The following STRIP2 variants were observed in gnomAD, a reference collection of about 807,000 sequenced individuals.
The protein encoded by STRIP2 is striatin interacting protein 2, also known as striatin-interacting protein 2.
Under a neutral mutation model 107.1 loss-of-function variants are expected in STRIP2, and 84 were observed. The observed-to-expected ratio is 0.78, with a 90% CI of 0.66 to 0.94. The LOEUF (loss-of-function observed/expected upper bound fraction) is 0.94. Ranked by LOEUF, STRIP2 falls within the 40% of genes least tolerant of loss-of-function variation. The probability of loss-of-function intolerance (pLI) is 0.00; values close to 1 mark genes in which losing one functional copy is unlikely to be tolerated. For synonymous variants in STRIP2, 394 were observed against 400.4 expected (o/e 0.98, Z 0.19); for missense variants, 888 against 1,034.2 (o/e 0.86, Z 1.94).
intron 11 of STRIP2, among the ~76,000 whole-genome samples, chr7:129,459,045 T>G (rs993333420): frequency 6.6e-6 from 1 of 152,244 alleles, no homozygotes; most frequent in African/African-American, 2.4e-5. Context: ...GCTTAATTTT[T>G]TCCTGAGGTT....
chr7:129,452,907 C>T (rs997393735), intron 4 of STRIP2, among the ~76,000 whole-genome samples: 3 of 152,156 alleles, frequency 2.0e-5, no homozygotes, highest in African/African-American at 7.2e-5. Flanking sequence ...CCTTTTCTTC[C>T]CTATCTCTAC....
At chr7:129,481,813 T>TA (rs967320678) in intron 19 of STRIP2, among the ~76,000 whole-genome samples, 7 of 151,762 alleles carry the variant, frequency 4.6e-5, no homozygotes, top group Non-Finnish European at 1.0e-4. Flanking sequence ...ATATATTCAA[T>TA]AAAAAAAACC....
At position 129,481,926 on chromosome 7, in the gene STRIP2, G is replaced by A. The variant is rs567587814; in HGVS notation, c.2050-916G>A. 9.9e-5 allele frequency among the ~76,000 whole-genome samples: 15 copies of A among 152,222 alleles called. No homozygotes were observed. The South Asian group carries it at 1.0e-3, about 11-fold the overall frequency. ...CCCACACCTGTAATTCCAGCACTTC[G>A]GAAGGCCAAGGTGGGAGGATCACTT... On this transcript the variant is annotated intron_variant, in intron 19 of 20. Coordinates refer to ENST00000249344, the MANE Select transcript of STRIP2 (RefSeq NM_020704.3).
At position 129,458,727 on chromosome 7, in the gene STRIP2, G is replaced by T; in HGVS notation, c.1290G>T (p.Glu430Asp). The change falls in exon 11 of 21, where the codon GAG becomes GAT. Residue 430 changes from glutamate (E) to aspartate (D), a missense_variant. By Grantham distance (45) the Glu-to-Asp change is conservative (BLOSUM62 2). Transcript: ENST00000249344. This position sits in a 1 kb window ranked among gnomAD's most constrained non-coding sequence, Gnocchi z 4.6. Reference protein sequence around the residue: ...WAPKVRQKDIEHFLEMSRNKF... With the variant: ...WAPKVRQKDIDHFLEMSRNKF... ...ATCCTCTCAGACAGAAGGACATTGA[G>T]CACTTCTTGGAGATGAGCAGGAACA... 1 of 1,614,200 alleles carries T rather than the reference G, an allele frequency of 6.2e-7. No homozygotes were observed. Among genetic ancestry groups the T allele is most frequent in the South Asian group, 1.1e-5 (1 of 91,080 alleles).
chr7:129,464,857 C>T, intron 16 of STRIP2, 119 bp downstream of exon 16: 2 of 1,359,120 alleles, frequency 1.5e-6, no homozygotes. Context: ...TTTCTTTGTC[C>T]TCTCTCAGGG....
In STRIP2 at chr7:129,450,918, CTTTTTTTTTTTTTT is replaced by C. The variant is rs758536953; in HGVS notation, c.275-672_275-659del. ...GGCCACAGCATTAGTGAGAAAGGTC[CTTTTTTTTTTTTTT>C]TTTTTTTTTTTTTTTTTTTTTTGAG... On this transcript the variant is annotated intron_variant, in intron 3 of 20. Transcript: ENST00000249344. Among the ~76,000 whole-genome samples the C allele has an allele frequency of 2.8e-4, 15 of 54,512 alleles. No individual in the cohort carries two copies. In the East Asian group the frequency reaches 5.3e-3, roughly 19 times the overall value. The allele number at this position is 54,512 out of a possible 152,430, so 35.8% of individuals were successfully genotyped here. A position where few individuals can be genotyped will look rare whatever the true frequency, so the allele number is the denominator to read the frequency against.
At chr7:129,471,513 G>C (rs1382021460) in intron 18 of STRIP2, among the ~76,000 whole-genome samples, 2 of 151,944 alleles carry the variant, frequency 1.3e-5, no homozygotes, top group African/African-American at 4.8e-5. Flanking sequence ...TCAAATGATT[G>C]AATCATGGCA....
rs1310470943 is a variant in STRIP2 at position 129,472,775 on chromosome 7, CCTTTTTTTTTTTTTTTTT to C, written c.1944+2061_1944+2078del. ...AATATATAGAATTTTCTTTTCTTTT[CCTTTTTTTTTTTTTTTTT>C]TTTTTTTTTTTGAGACAGAGTCTTG... On this transcript the variant is annotated intron_variant, in intron 18 of 20. Transcript: ENST00000249344. 1.2e-4 allele frequency among the ~76,000 whole-genome samples: 8 copies of C among 68,890 alleles called. 1 individual carries two copies. In the East Asian group the frequency reaches 3.1e-3, roughly 27 times the overall value. 45.2% of individuals were successfully genotyped at this position (68,890 alleles called of 152,430 possible). A position where few individuals can be genotyped will look rare whatever the true frequency, so the allele number is the denominator to read the frequency against.
Position 129,458,301 on chromosome 7 carries a change from G to A in STRIP2, c.1125G>A (p.Glu375=), listed in dbSNP as rs1279361564. ...KTEEPATEEE[E]ESAGDGERTL... is the part of the protein sequence containing the mutation. The stretch of plus-strand genomic sequence containing the variant: ...AGGAGCCCGCCACAGAGGAGGAAGA[G>A]GAGTCTGCTGGTGATGGAGAACGAA... Residue 375 remains glutamate, a synonymous_variant, in exon 10 of 21, where the codon GAG becomes GAA. Coordinates refer to ENST00000249344, the MANE Select transcript of STRIP2 (RefSeq NM_020704.3). The surrounding 1 kb of genome is among the most constrained non-coding windows in gnomAD (Gnocchi z 4.6). 13 of 1,614,192 alleles carry A rather than the reference G, an allele frequency of 8.1e-6. No individual in the cohort carries two copies. The highest frequency in any genetic ancestry group is 1.1e-5 in the Non-Finnish European group (13 of 1,180,032).
intron 1 of STRIP2, among the ~76,000 whole-genome samples, chr7:129,436,146 A>G (rs913464677): frequency 2.0e-5 from 3 of 152,158 alleles, no homozygotes; most frequent in African/African-American, 7.2e-5. Context: ...TGGGGAGATG[A>G]GCCATTCATT....
In STRIP2 at chr7:129,480,768, G is replaced by T. The variant is rs756901185; in HGVS notation, c.1945-17G>T. ...CCTTGTAGGTATTAAGATAATGATG[G>T]ATGTTCCCTACTATAGGAAGCTGGA... On this transcript the variant is annotated splice_polypyrimidine_tract_variant and intron_variant, in intron 18 of 20. Coordinates refer to ENST00000249344, the MANE Select transcript of STRIP2 (RefSeq NM_020704.3). 2 of 1,599,958 alleles carry T rather than the reference G, an allele frequency of 1.3e-6. No homozygotes were observed. The highest frequency in any genetic ancestry group is 8.5e-7 in the Non-Finnish European group (1 of 1,170,914).
At chr7:129,471,398 T>C (rs1018613249) in intron 18 of STRIP2, among the ~76,000 whole-genome samples, 4 of 152,196 alleles carry the variant, frequency 2.6e-5, no homozygotes, top group African/African-American at 9.7e-5. Flanking sequence ...TTTGTGTCTG[T>C]TTCTTAATTT....
intron 18 of STRIP2, among the ~76,000 whole-genome samples, chr7:129,479,401 A>C (rs1799059203): frequency 6.6e-6 from 1 of 152,162 alleles, no homozygotes; most frequent in South Asian, 2.1e-4. Context: ...AGTCCCATAG[A>C]AGTTTTCCTT....
Position 129,464,738 on chromosome 7 carries a change from G to C in STRIP2, c.1776G>C (p.Gln592His). 6.2e-7 allele frequency: 1 copy of C among 1,614,118 alleles called. No homozygotes were observed. Among genetic ancestry groups the C allele is most frequent in the Non-Finnish European group, 8.5e-7 (1 of 1,180,006 alleles). ...ACTTCAAACTCAACCATATCTACCA[G>C]GTGAGCAGCTAGGAGCACTTCTCCA... ...LKHFKLNHIY[Q>H]FEYVSQHLVF... Residue 592 changes from glutamine (Q) to histidine (H), a missense_variant and splice_region_variant, in exon 16 of 21, where the codon CAG becomes CAC. Gln to His is a conservative substitution (Grantham distance 24). Coordinates refer to ENST00000249344, the MANE Select transcript of STRIP2 (RefSeq NM_020704.3).
In STRIP2 at chr7:129,458,484, C is replaced by T. The variant is rs759105924; in HGVS notation, c.1274+34C>T. On this transcript the variant is annotated intron_variant, in intron 10 of 20. Coordinates refer to ENST00000249344, the MANE Select transcript of STRIP2 (RefSeq NM_020704.3). This position sits in a 1 kb window ranked among gnomAD's most constrained non-coding sequence, Gnocchi z 4.6. ...GATAGCATCAGGGACCCCTATGCTT[C>T]GGGGTTTCAGTCTCCAAAGGCCCAA... The T allele has an allele frequency of 6.3e-5, 94 of 1,490,386 alleles. No individual in the cohort carries two copies. Among genetic ancestry groups the T allele is most frequent in the Admixed American group, 2.7e-4 (12 of 44,250 alleles). The allele number at this position is 1,490,386 out of a possible 1,614,324, so 92.3% of individuals were successfully genotyped here.
intron 5 of STRIP2, among the ~76,000 whole-genome samples, chr7:129,453,561 T>G (rs1482848268): frequency 6.6e-6 from 1 of 152,238 alleles, no homozygotes; most frequent in African/African-American, 2.4e-5. Flanking sequence ...CTGCAGCTTC[T>G]GCCTCACTTA....
chr7:129,468,364 C>T (rs1335285307), intron 17 of STRIP2, among the ~76,000 whole-genome samples: 1 of 152,170 alleles, frequency 6.6e-6, no homozygotes, highest in African/African-American at 2.4e-5. Context: ...CCCTATGGAG[C>T]CTGAAGTCAT....
chr7:129,451,189 T>G (rs1798181408), intron 3 of STRIP2, among the ~76,000 whole-genome samples: 1 of 152,090 alleles, frequency 6.6e-6, no homozygotes, highest in Non-Finnish European at 1.5e-5. Context: ...TCCGCCCGCC[T>G]CGGCCTCCCA....
At position 129,470,637 on chromosome 7, in the gene STRIP2, T is replaced by C; in HGVS notation, c.1878-12T>C. 1 of 1,612,402 alleles carries C rather than the reference T, an allele frequency of 6.2e-7. No homozygotes were observed. Among genetic ancestry groups the C allele is most frequent in the East Asian group, 2.2e-5 (1 of 44,882 alleles). ...TTTACCTAAAGCCTGTCCTTATCTC[T>C]GCATCTTACAGCATCTCAGTCCTGG... On this transcript the variant is annotated splice_polypyrimidine_tract_variant and intron_variant, in intron 17 of 20. Coordinates refer to ENST00000249344, the MANE Select transcript of STRIP2 (RefSeq NM_020704.3).
Sources: allele counts gnomAD v4.1 joint callset (sites outside exome capture counted in the v4.1 genomes callset), GRCh38; gene constraint gnomAD v4.1.1; non-coding constraint Gnocchi (gnomAD v3.1); transcripts MANE v1.5; gene names NCBI Gene and HGNC (gene_info 2026-07-23, HGNC 2026-07-21).